DEPTOR: variants seen among roughly 807,000 people sequenced by gnomAD.
The protein encoded by DEPTOR is DEP domain-containing mTOR-interacting protein.
In DEPTOR, 41 loss-of-function variants were observed where a neutral mutation model predicts 41.6. That is an observed-to-expected ratio of 0.98 (90% CI 0.77 to 1.28). DEPTOR has a LOEUF of 1.28. DEPTOR is among the 50% of genes most tolerant of loss of function. The probability of loss-of-function intolerance (pLI) is 0.00; values close to 1 mark genes in which losing one functional copy is unlikely to be tolerated. For missense variants in DEPTOR, 514 were observed against 527.9 expected (o/e 0.97, Z 0.26); for synonymous variants, 195 against 192.3 (o/e 1.01, Z -0.12).
At chr8:119,991,126 T>A (rs28464637) in intron 4 of DEPTOR, among the ~76,000 whole-genome samples, 41,544 of 134,696 alleles carry the variant, frequency 0.31, 6,867 homozygotes, top group South Asian at 0.39. Flanking sequence ...CTTTTTTTTT[T>A]AAATCTTTTA....
chr8:119,936,198 G>A (rs963010664), intron 3 of DEPTOR, among the ~76,000 whole-genome samples: 3 of 152,096 alleles, frequency 2.0e-5, no homozygotes, highest in Non-Finnish European at 4.4e-5. Flanking sequence ...GGACCAAAGA[G>A]AAATAAAAGG....
At chr8:119,875,097 T>G (rs1189035200) in intron 1 of DEPTOR, among the ~76,000 whole-genome samples, 1 of 152,180 alleles carries the variant, frequency 6.6e-6, no homozygotes, top group Non-Finnish European at 1.5e-5. Flanking sequence ...TATCGATTCT[T>G]TGTTGATTTT....
intron 8 of DEPTOR, 115 bp from the exon 9 acceptor site, chr8:120,049,461 C>T (rs1813199123): frequency 8.0e-7 from 1 of 1,256,576 alleles, no homozygotes; most frequent in Non-Finnish European, 1.1e-6. Flanking sequence ...CAGCTGGATA[C>T]ATTTGGATAT....
chr8:119,985,241 C>T (rs145594911), intron 4 of DEPTOR, among the ~76,000 whole-genome samples: 5 of 152,134 alleles, frequency 3.3e-5, no homozygotes, highest in African/African-American at 7.2e-5. Flanking sequence ...TTTTAATGAT[C>T]GCCATTCTAA....
chr8:120,010,926 A>G (rs535869116), intron 8 of DEPTOR, among the ~76,000 whole-genome samples: 91 of 152,186 alleles, frequency 6.0e-4, no homozygotes, highest in African/African-American at 2.0e-3. Context: ...GCTTTGTTCT[A>G]TTGTCTGTGA....
chr8:120,020,444 T>C (rs1166118426), intron 8 of DEPTOR, among the ~76,000 whole-genome samples: 1 of 152,130 alleles, frequency 6.6e-6, no homozygotes, highest in Non-Finnish European at 1.5e-5. Context: ...GGTGCAAACA[T>C]GGTTCACTGC....
intron 1 of DEPTOR, among the ~76,000 whole-genome samples, chr8:119,896,531 G>C (rs905390305): frequency 6.6e-6 from 1 of 152,022 alleles, no homozygotes; most frequent in Non-Finnish European, 1.5e-5. Flanking sequence ...CCTGAGTCTC[G>C]CTCTGTTGCC....
chr8:119,972,999 G>A (rs1174881378), intron 4 of DEPTOR, among the ~76,000 whole-genome samples: 5 of 151,498 alleles, frequency 3.3e-5, no homozygotes, highest in African/African-American at 1.2e-4. Flanking sequence ...GAGTGCAATG[G>A]TGTGATCTTG....
At chr8:120,004,577 T>G (rs1812404947) in intron 6 of DEPTOR, among the ~76,000 whole-genome samples, 1 of 152,198 alleles carries the variant, frequency 6.6e-6, no homozygotes, top group Non-Finnish European at 1.5e-5. Context: ...AAAGTGTTAA[T>G]TACTGAAATT....
chr8:119,996,442 T>A (rs991487628), intron 4 of DEPTOR, among the ~76,000 whole-genome samples: 1 of 152,204 alleles, frequency 6.6e-6, no homozygotes, highest in Non-Finnish European at 1.5e-5. Flanking sequence ...CCTGACTTCC[T>A]CATGTTTGAG....
At chr8:119,952,690 C>A (rs1445400500) in intron 3 of DEPTOR, among the ~76,000 whole-genome samples, 1 of 152,260 alleles carries the variant, frequency 6.6e-6, no homozygotes, top group African/African-American at 2.4e-5. Context: ...TTTTCTGTTC[C>A]TGTGTTAGTT....
chr8:119,928,296 C>T (rs2129847740), intron 1 of DEPTOR, 104 bp from the exon 2 acceptor site: 5 of 1,247,084 alleles, frequency 4.0e-6, no homozygotes, highest in South Asian at 3.1e-5. Flanking sequence ...TCAATGACAC[C>T]TTCATGCCTT....
chr8:119,879,688 G>A (rs751631060), intron 1 of DEPTOR, among the ~76,000 whole-genome samples: 1 of 151,946 alleles, frequency 6.6e-6, no homozygotes, highest in Non-Finnish European at 1.5e-5. Flanking sequence ...TCCAGCCTGG[G>A]TGACAGAGCA....
At chr8:120,011,873 T>G (rs929259487) in intron 8 of DEPTOR, among the ~76,000 whole-genome samples, 2 of 152,238 alleles carry the variant, frequency 1.3e-5, no homozygotes, top group African/African-American at 4.8e-5. Context: ...AGTGGTTTTC[T>G]TATGTTATAG....
chr8:119,885,958 CT>C (rs1463649106), intron 1 of DEPTOR, among the ~76,000 whole-genome samples: 1 of 151,768 alleles, frequency 6.6e-6, no homozygotes, highest in African/African-American at 2.4e-5. Flanking sequence ...TCACTCTTTG[CT>C]TTTGGTTCTT....
chr8:119,906,197 A>T (rs112853202), intron 1 of DEPTOR, among the ~76,000 whole-genome samples: 1 of 151,842 alleles, frequency 6.6e-6, no homozygotes, highest in Non-Finnish European at 1.5e-5. Flanking sequence ...CACACCTATA[A>T]TCCCAGCACT....
chr8:119,941,282 A>T (rs1405618183), intron 3 of DEPTOR, among the ~76,000 whole-genome samples: 5 of 149,512 alleles, frequency 3.3e-5, no homozygotes, highest in Non-Finnish European at 1.5e-5. Context: ...CTGAGGCGAG[A>T]GAATCACTTG....
intron 3 of DEPTOR, among the ~76,000 whole-genome samples, chr8:119,943,379 G>T (rs1828228842): frequency 2.0e-5 from 3 of 152,186 alleles, no homozygotes; most frequent in African/African-American, 7.2e-5. Context: ...GGCAGAAGGG[G>T]AAGCAGGCAC....
rs137939906 is a variant in DEPTOR, at chr8:120,012,348, T to C, written c.1101+3215T>C. On this transcript the variant is annotated intron_variant, in intron 8 of 8. Coordinates refer to ENST00000286234, the MANE Select transcript of DEPTOR (RefSeq NM_022783.4). ...GTATAGCCTACCACATACCTAGATA[T>C]AGCCTATTGCTCCTAGGCTATAAAC... Among the ~76,000 whole-genome samples the C allele has an allele frequency of 4.4e-4, 67 of 152,288 alleles. 1 individual carries two copies. The East Asian group carries it at 0.012, about 27-fold the overall frequency.
Sources: gnomAD v4.1 joint callset for allele counts (sites outside exome capture counted in the v4.1 genomes callset) on GRCh38, gnomAD v4.1.1 for gene constraint, MANE v1.5 for transcripts, NCBI Gene and HGNC (gene_info 2026-07-23, HGNC 2026-07-21) for gene names.